CA10: variants seen among roughly 807,000 people sequenced by gnomAD.
CA10 encodes the protein carbonic anhydrase-related protein 10.
Under a neutral mutation model 44.2 loss-of-function variants are expected in CA10, and 14 were observed. The ratio of observed to expected loss-of-function variants is 0.32; its 90% CI spans 0.21 to 0.50. CA10 has a LOEUF of 0.50. Ranked by LOEUF, CA10 falls within the 20% of genes least tolerant of loss-of-function variation. The pLI is 0.99. For synonymous variants in CA10, 159 were observed against 141.6 expected (o/e 1.12, Z -0.87); for missense variants, 350 against 409.7 (o/e 0.85, Z 1.26).
chr17:51,857,643 A>G (rs1000251173), intron 3 of CA10, among the ~76,000 whole-genome samples: 7 of 152,132 alleles, frequency 4.6e-5, no homozygotes, highest in African/African-American at 1.7e-4. Context: ...GCAAAAAACT[A>G]TTATTGGGTT....
In CA10 at chr17:52,072,753, C is replaced by G. The variant is rs574515687; in HGVS notation, c.62-360G>C. 7.2e-4 allele frequency among the ~76,000 whole-genome samples: 108 copies of G among 150,864 alleles called. 2 individuals carry two copies. In the South Asian group the frequency reaches 0.021, roughly 30 times the overall value. On this transcript the variant is annotated intron_variant, in intron 1 of 8. Transcript: ENST00000451037. ...AGTGCTCCTGCTGAAACTGAGGAGACAGTAGGCAGATCCCATCCATGTATG... is the reference window on the plus strand; with the variant it reads ...AGTGCTCCTGCTGAAACTGAGGAGAGAGTAGGCAGATCCCATCCATGTATG...
At chr17:51,775,246 T>C (rs1905775804) in intron 3 of CA10, among the ~76,000 whole-genome samples, 1 of 152,206 alleles carries the variant, frequency 6.6e-6, no homozygotes, top group Non-Finnish European at 1.5e-5. Context: ...GTGCTGGGAC[T>C]TCAGTGGTAA....
intron 1 of CA10, among the ~76,000 whole-genome samples, chr17:52,103,742 G>A (rs952544558): frequency 2.0e-5 from 3 of 152,184 alleles, no homozygotes; most frequent in Non-Finnish European, 4.4e-5. Flanking sequence ...GCAGTTCATC[G>A]CATTTCTTCT....
chr17:52,128,230 A>G (rs536055822), intron 1 of CA10, among the ~76,000 whole-genome samples: 9 of 152,218 alleles, frequency 5.9e-5, no homozygotes, highest in Non-Finnish European at 1.0e-4. Context: ...TCTACCTTTT[A>G]TTAGTTATTT....
intron 3 of CA10, among the ~76,000 whole-genome samples, chr17:51,849,233 G>GTGTGTGTA (rs1387448675): frequency 2.5e-5 from 1 of 39,904 alleles, no homozygotes; most frequent in Non-Finnish European, 5.9e-5. Flanking sequence ...ATATGTGTGT[G>GTGTGTGTA]TATATATATA....
intron 3 of CA10, among the ~76,000 whole-genome samples, chr17:51,888,092 A>C (rs1980694209): frequency 6.6e-6 from 1 of 152,070 alleles, no homozygotes; most frequent in Non-Finnish European, 1.5e-5. Flanking sequence ...ATGATAGTTG[A>C]AACTTGGTAA....
intron 3 of CA10, among the ~76,000 whole-genome samples, chr17:51,848,668 A>AAAATAGTC (rs1187764452): frequency 6.6e-6 from 1 of 152,222 alleles, no homozygotes; most frequent in Non-Finnish European, 1.5e-5. Flanking sequence ...TCACAGGAAG[A>AAAATAGTC]AAATAGTCAC....
intron 2 of CA10, among the ~76,000 whole-genome samples, chr17:51,995,410 G>A (rs1468854139): frequency 6.6e-6 from 1 of 151,916 alleles, no homozygotes; most frequent in Non-Finnish European, 1.5e-5. Context: ...TTATTTATAT[G>A]GGGTAGCATT....
intron 1 of CA10, among the ~76,000 whole-genome samples, chr17:52,145,784 A>G (rs1416506691): frequency 6.6e-6 from 1 of 152,228 alleles, no homozygotes; most frequent in Non-Finnish European, 1.5e-5. Context: ...AAGGAATTCA[A>G]GCACATTACT....
chr17:51,823,735 G>A (rs184070134), intron 3 of CA10, among the ~76,000 whole-genome samples: 1 of 152,286 alleles, frequency 6.6e-6, no homozygotes, highest in African/African-American at 2.4e-5. Flanking sequence ...CAGAGTTCTG[G>A]AGTTTCAGCT....
At chr17:52,047,709 TGA>T (rs1986950375) in intron 2 of CA10, among the ~76,000 whole-genome samples, 1 of 151,928 alleles carries the variant, frequency 6.6e-6, no homozygotes, top group Non-Finnish European at 1.5e-5. Context: ...TCTATAGTTA[TGA>T]GAGAATATAA....
chr17:52,110,193 C>T (rs1988760219), intron 1 of CA10, among the ~76,000 whole-genome samples: 1 of 152,202 alleles, frequency 6.6e-6, no homozygotes, highest in Non-Finnish European at 1.5e-5. Context: ...TCCCCTGGAT[C>T]CCCATAACCT....
chr17:51,750,814 C>A (rs547180579), intron 3 of CA10, among the ~76,000 whole-genome samples: 55 of 152,310 alleles, frequency 3.6e-4, no homozygotes, highest in Non-Finnish European at 7.3e-5. Flanking sequence ...TGCCATTGGG[C>A]AAGTATCTTG....
intron 4 of CA10, among the ~76,000 whole-genome samples, chr17:51,711,949 G>A (rs1351313899): frequency 6.6e-6 from 1 of 152,158 alleles, no homozygotes; most frequent in Non-Finnish European, 1.5e-5. Context: ...TGGGGGAGAG[G>A]GGCAGCGGCT....
chr17:52,010,667 G>A (rs940100898), intron 2 of CA10, among the ~76,000 whole-genome samples: 2 of 151,892 alleles, frequency 1.3e-5, no homozygotes, highest in Non-Finnish European at 2.9e-5. Context: ...ATTGGGTACA[G>A]TTTACACTAC....
At chr17:51,944,966 A>G (rs1485191166) in intron 2 of CA10, among the ~76,000 whole-genome samples, 1 of 152,148 alleles carries the variant, frequency 6.6e-6, no homozygotes, top group Non-Finnish European at 1.5e-5. Flanking sequence ...TTCTGGGTCA[A>G]CTGGGATGAT....
intron 1 of CA10, among the ~76,000 whole-genome samples, chr17:52,098,261 C>G (rs1988453700): frequency 6.6e-6 from 1 of 152,186 alleles, no homozygotes; most frequent in South Asian, 2.1e-4. Context: ...ATAGTCTAAG[C>G]ACAGTGTTTA....
intron 4 of CA10, among the ~76,000 whole-genome samples, chr17:51,681,629 G>T (rs983094358): frequency 3.9e-5 from 6 of 152,118 alleles, no homozygotes; most frequent in Non-Finnish European, 5.9e-5. Flanking sequence ...AAGGCAATAT[G>T]GTCCTCGATC....
chr17:52,009,325 C>T (rs1310883006), intron 2 of CA10, among the ~76,000 whole-genome samples: 1 of 151,748 alleles, frequency 6.6e-6, no homozygotes, highest in Admixed American at 6.6e-5. Flanking sequence ...TTGTTCTATA[C>T]AAAGCAAAAC....
Sources: gnomAD v4.1 joint callset for allele counts (sites outside exome capture counted in the v4.1 genomes callset) on GRCh38, gnomAD v4.1.1 for gene constraint, MANE v1.5 for transcripts, NCBI Gene and HGNC (gene_info 2026-07-23, HGNC 2026-07-21) for gene names.